Variants in SGSM2 observed in about 807,000 individuals in gnomAD.
SGSM2 encodes the protein small G protein signaling modulator 2.
In SGSM2, 89 loss-of-function variants were observed where a neutral mutation model predicts 126.6. The observed-to-expected ratio is 0.70, with a 90% CI of 0.59 to 0.84. The LOEUF is 0.84. SGSM2 is among the 40% of genes least tolerant of loss of function. The pLI is 0.00. For missense variants in SGSM2, 1,404 were observed against 1,416.6 expected, an observed-to-expected ratio of 0.99 and a Z score of 0.14; for synonymous variants, 614 against 574.3, an observed-to-expected ratio of 1.07 and a Z score of -0.99.
chr17:2,369,061 A>G (rs2065734289), intron 12 of SGSM2, among the ~76,000 whole-genome samples: 1 of 152,224 alleles, frequency 6.6e-6, no homozygotes, highest in Admixed American at 6.5e-5. Flanking sequence ...GGGCTAGGCC[A>G]ACCTAGTATA....
At chr17:2,365,497 C>A (rs2065526302) in intron 11 of SGSM2, among the ~76,000 whole-genome samples, 156 bp downstream of exon 11, 1 of 152,172 alleles carries the variant, frequency 6.6e-6, no homozygotes, top group Admixed American at 6.5e-5. Flanking sequence ...GACCTTTTAC[C>A]CACAGATATT....
chr17:2,338,904 C>T (rs1414814993), intron 1 of SGSM2, among the ~76,000 whole-genome samples: 1 of 149,408 alleles, frequency 6.7e-6, no homozygotes, highest in Non-Finnish European at 1.5e-5. Context: ...ACTAAAAATA[C>T]CAAAATAAGC....
rs2065973651 is a variant in SGSM2 at position 2,373,393 on chromosome 17, GGTGGTGAGGC to G, written c.1981_1990del (p.Val661SerfsTer105). 1 of 1,612,800 alleles carries G rather than the reference GGTGGTGAGGC, an allele frequency of 6.2e-7. No homozygotes were observed. On this transcript the variant is annotated frameshift_variant, in exon 17 of 24. Transcript: ENST00000268989. LOFTEE classifies it high-confidence loss of function. ...TGGCAGAGTGGAAGGCCTGCGAGGTGGTGGTGAGGCAGCGGGAGCGGGAGGCCCACCCAGC... is the reference window on the plus strand; with the variant it reads ...TGGCAGAGTGGAAGGCCTGCGAGGTGAGCGGGAGCGGGAGGCCCACCCAGC...
chr17:2,363,517 G>C lies in SGSM2; in HGVS notation c.725G>C (p.Cys242Ser). 1 of 1,613,346 alleles carries C rather than the reference G, an allele frequency of 6.2e-7. No homozygotes were observed. Among genetic ancestry groups the C allele is most frequent in the African/African-American group, 1.3e-5 (1 of 75,070 alleles). Residue 242 changes from cysteine to serine, a missense_variant, in exon 7 of 24, where the codon TGT becomes TCT. Coordinates refer to ENST00000268989, the MANE Select transcript of SGSM2 (RefSeq NM_014853.3). This position sits in a 1 kb window ranked among gnomAD's most constrained non-coding sequence, Gnocchi z 4.2. ...GSASEDRLAACARECVESLHQ... is the reference protein window; with the variant it reads ...GSASEDRLAASARECVESLHQ... ...GCGTCGGAGGACAGGCTGGCTGCCTGTGCCCGCGAGTGTGTGGAGTCCCTG... is the reference window on the plus strand; with the variant it reads ...GCGTCGGAGGACAGGCTGGCTGCCTCTGCCCGCGAGTGTGTGGAGTCCCTG...
Position 2,372,112 on chromosome 17 carries a change from C to T in SGSM2, c.1578-78C>T. On this transcript the variant is annotated intron_variant, in intron 13 of 23. Transcript: ENST00000268989. The surrounding 1 kb of genome is among the most constrained non-coding windows in gnomAD (Gnocchi z 6.0). ...CCAGTGCCTTACCTGCCCCCCAGGA[C>T]AGAGCCTCCTCCCTTCTCTCTCTCC... The T allele has an allele frequency of 3.9e-6, 6 of 1,549,222 alleles. No individual in the cohort carries two copies. Among genetic ancestry groups the T allele is most frequent in the Non-Finnish European group, 4.4e-6 (5 of 1,127,554 alleles).
At position 2,377,879 on chromosome 17, in the gene SGSM2, A is replaced by G. The variant is rs773384448; in HGVS notation, c.2825A>G (p.Glu942Gly). 1 of 1,611,826 alleles carries G rather than the reference A, an allele frequency of 6.2e-7. No individual in the cohort carries two copies. Among genetic ancestry groups the G allele is most frequent in the Non-Finnish European group, 8.5e-7 (1 of 1,178,214 alleles). Residue 942 changes from glutamate to glycine, a missense_variant, in exon 22 of 24, where the codon GAG becomes GGG. Transcript: ENST00000268989. ...AAGATCCTGGACTCAGAGCTGTTTG[A>G]GCTGATGCATCAGAATGGAGACTAC... ...LIQILDSELF[E>G]LMHQNGDYTH...
In SGSM2 at chr17:2,367,737, G is replaced by C. The variant is rs1174050023; in HGVS notation, c.1423+332G>C. On this transcript the variant is annotated intron_variant, in intron 12 of 23. Transcript: ENST00000268989. The surrounding 1 kb of genome is among the most constrained non-coding windows in gnomAD (Gnocchi z 4.0). The stretch of plus-strand genomic sequence containing the variant: ...CCGGGGGTCAGGCTGGCAAATGCCA[G>C]ACAGAGGTCTCTTCCTTTCTCTCTG... Among the ~76,000 whole-genome samples the C allele has an allele frequency of 6.6e-6, 1 of 152,246 alleles. No homozygotes were observed. Among genetic ancestry groups the C allele is most frequent in the African/African-American group, 2.4e-5 (1 of 41,466 alleles).
rs137998430 is a variant in SGSM2, at chr17:2,365,433, C to A, written c.1288+92C>A. On this transcript the variant is annotated intron_variant, in intron 11 of 23. Coordinates refer to ENST00000268989, the MANE Select transcript of SGSM2 (RefSeq NM_014853.3). ...TCACCCAGGAGGGCAGCAGGCAGGG[C>A]CCACTGACCAGGCCAGGTTAACACC... The A allele has an allele frequency of 4.3e-6, 6 of 1,404,412 alleles. No individual in the cohort carries two copies. The Admixed American group carries it at 1.6e-4, about 37-fold the overall frequency. The allele number at this position is 1,404,412 out of a possible 1,614,324, so 87.0% of individuals were successfully genotyped here. A position where few individuals can be genotyped will look rare whatever the true frequency, so the allele number is the denominator to read the frequency against.
chr17:2,380,308 G>C lies in SGSM2; in HGVS notation c.*788G>C. 6.5e-7 allele frequency: 1 copy of C among 1,535,836 alleles called. No homozygotes were observed. The highest frequency in any genetic ancestry group is 8.7e-7 in the Non-Finnish European group (1 of 1,146,816). Reference sequence around the variant, plus strand: ...CGTGTAAGAAGTGATGCTTTTGCCAGTGGATGATCTGGAATGCGACCGGAG... The same window carrying C: ...CGTGTAAGAAGTGATGCTTTTGCCACTGGATGATCTGGAATGCGACCGGAG... On this transcript the variant is annotated 3_prime_UTR_variant, in exon 24 of 24. Coordinates refer to ENST00000268989, the MANE Select transcript of SGSM2 (RefSeq NM_014853.3).
At position 2,380,229 on chromosome 17, in the gene SGSM2, T is replaced by G. The variant is rs1392489898; in HGVS notation, c.*709T>G. ...TGTACCTCTGTGTATCTGTACAGCC[T>G]CGCTCCTGCCACCCCACCCTTGCGT... On this transcript the variant is annotated 3_prime_UTR_variant, in exon 24 of 24. Coordinates refer to ENST00000268989, the MANE Select transcript of SGSM2 (RefSeq NM_014853.3). The G allele has an allele frequency of 1.3e-6, 2 of 1,535,770 alleles. No individual in the cohort carries two copies. Among genetic ancestry groups the G allele is most frequent in the East Asian group, 2.4e-5 (1 of 40,908 alleles).
chr17:2,366,930 T>C, intron 11 of SGSM2: 2 of 260,788 alleles, frequency 7.7e-6, no homozygotes, highest in Non-Finnish European at 1.5e-5. Flanking sequence ...CCAGCTGTCA[T>C]GCGCAGCCTC....
rs75456573 is a variant in SGSM2 at position 2,380,890 on chromosome 17, T to C, written c.*1370T>C. On this transcript the variant is annotated 3_prime_UTR_variant, in exon 24 of 24. Coordinates refer to ENST00000268989, the MANE Select transcript of SGSM2 (RefSeq NM_014853.3). ...GTCTGGGGGCCAGACCACCCCATTG[T>C]CCATCCTTGTTGTCCGTGAGTCCTT... 329 of 158,882 alleles carry C rather than the reference T, an allele frequency of 2.1e-3. 8 individuals carry two copies. The East Asian group carries it at 0.056, about 27-fold the overall frequency. The allele number at this position is 158,882 out of a possible 1,614,324, so 9.8% of individuals were successfully genotyped here.
intron 2 of SGSM2, among the ~76,000 whole-genome samples, chr17:2,352,902 C>T (rs1341689572): frequency 1.4e-5 from 2 of 140,734 alleles, no homozygotes; most frequent in African/African-American, 2.7e-5. Flanking sequence ...CTCAGCCTCC[C>T]GAGTAGCTGG....
intron 16 of SGSM2, 80 bp downstream of exon 16, chr17:2,373,161 T>G (rs1454117209): frequency 6.3e-7 from 1 of 1,578,148 alleles, no homozygotes; most frequent in African/African-American, 1.3e-5. Context: ...CTTGGAAGCC[T>G]CAGCCCCTTC....
In SGSM2 at chr17:2,381,013, T is replaced by A. The variant is rs1249697026; in HGVS notation, c.*1493T>A. On this transcript the variant is annotated 3_prime_UTR_variant, in exon 24 of 24. Coordinates refer to ENST00000268989, the MANE Select transcript of SGSM2 (RefSeq NM_014853.3). ...TGTATGATTTTTGCCTCAGAAACTA[T>A]ACTCTTCTGTGTAACAGACCAATAA... The A allele has an allele frequency of 6.5e-6, 1 of 152,748 alleles. No homozygotes were observed. The highest frequency in any genetic ancestry group is 1.5e-5 in the Non-Finnish European group (1 of 68,478). 9.5% of individuals were successfully genotyped at this position (152,748 alleles called of 1,614,324 possible). A position where few individuals can be genotyped will look rare whatever the true frequency, so the allele number is the denominator to read the frequency against.
intron 21 of SGSM2, chr17:2,377,501 C>A (rs116883976): frequency 0.15 from 24,148 of 158,508 alleles, 2,475 homozygotes; most frequent in Admixed American, 0.31. Flanking sequence ...AAAAAAAAAA[C>A]CATGGTTTCA....
chr17:2,371,126 G>T, intron 12 of SGSM2, 136 bp from the exon 13 acceptor site: 5 of 975,412 alleles, frequency 5.1e-6, no homozygotes, highest in Non-Finnish European at 7.3e-6. Context: ...TCTGGACCAG[G>T]CAGGCCCCAC....
Position 2,375,859 on chromosome 17 carries a change from G to A in SGSM2, c.2468G>A (p.Cys823Tyr), listed in dbSNP as rs772338009. The A allele has an allele frequency of 2.6e-6, 4 of 1,524,890 alleles. No individual in the cohort carries two copies. The Admixed American group carries it at 6.1e-5, about 23-fold the overall frequency. The allele number at this position is 1,524,890 out of a possible 1,614,324, so 94.5% of individuals were successfully genotyped here. Residue 823 changes from cysteine (C) to tyrosine (Y), a missense_variant, in exon 18 of 24, where the codon TGT becomes TAT. Cys to Tyr is a radical substitution (Grantham distance 194). Transcript: ENST00000268989. Reference sequence around the variant, plus strand: ...GCCGGAGAGGAGCTTGCGGCTGTGTGTGCGGCTGCCTACACTGTGCGTACA... The same window carrying A: ...GCCGGAGAGGAGCTTGCGGCTGTGTATGCGGCTGCCTACACTGTGCGTACA... ...LEAGEELAAV[C>Y]AAAYTIELLD...
At chr17:2,375,918 C>A (rs1049480248) in intron 18 of SGSM2, 43 bp downstream of exon 18, 7 of 1,509,230 alleles carry the variant, frequency 4.6e-6, no homozygotes, top group East Asian at 2.3e-5. Flanking sequence ...GCCCCAGAGG[C>A]CCTCCTGACA....
Sources: gnomAD v4.1 joint callset for allele counts (sites outside exome capture counted in the v4.1 genomes callset) on GRCh38, gnomAD v4.1.1 for gene constraint, Gnocchi (gnomAD v3.1) non-coding constraint, MANE v1.5 for transcripts, NCBI Gene and HGNC (gene_info 2026-07-23, HGNC 2026-07-21) for gene names.